Variants in LSAMP observed in about 807,000 individuals in gnomAD.
LSAMP encodes limbic system-associated membrane protein.
A neutral mutation model predicts 38.6 loss-of-function variants in LSAMP; 7 were observed. That is an observed-to-expected ratio of 0.18 (90% CI 0.10 to 0.34). LSAMP has a LOEUF of 0.34. LSAMP is among the 10% of genes least tolerant of loss of function. The pLI, the probability that LSAMP is intolerant of heterozygous loss-of-function variation, is 1.00. For synonymous variants in LSAMP, 154 were observed against 166.8 expected (o/e 0.92, Z 0.59); for missense variants, 313 against 420.0 (o/e 0.75, Z 2.23).
intron 1 of LSAMP, among the ~76,000 whole-genome samples, chr3:116,347,578 T>C (rs1412103581): frequency 1.3e-5 from 2 of 152,168 alleles, no homozygotes; most frequent in Non-Finnish European, 2.9e-5. Flanking sequence ...TCTTTTAAAA[T>C]ATTTAGATAT....
chr3:116,071,414 A>T (rs1224112992), intron 2 of LSAMP, among the ~76,000 whole-genome samples: 4 of 151,848 alleles, frequency 2.6e-5, no homozygotes, highest in Admixed American at 1.3e-4. Context: ...TAAACTAAAT[A>T]ATATAAATTT....
chr3:116,172,505 T>C (rs1365732271), intron 1 of LSAMP, among the ~76,000 whole-genome samples: 2 of 152,028 alleles, frequency 1.3e-5, no homozygotes, highest in Non-Finnish European at 2.9e-5. Context: ...ATTTTTTGCT[T>C]TAGCTTGTGA....
intron 3 of LSAMP, among the ~76,000 whole-genome samples, chr3:115,868,071 G>T (rs1935912289): frequency 6.6e-6 from 1 of 152,102 alleles, no homozygotes; most frequent in East Asian, 1.9e-4. Context: ...TGGTCTAAGG[G>T]CTTTAGATTT....
intron 1 of LSAMP, among the ~76,000 whole-genome samples, chr3:116,268,193 A>G (rs1256859593): frequency 6.9e-6 from 1 of 144,484 alleles, no homozygotes; most frequent in African/African-American, 2.7e-5. Flanking sequence ...CTAAACTATT[A>G]GGAGTGGCCA....
At chr3:115,968,978 C>A (rs1434022627) in intron 3 of LSAMP, among the ~76,000 whole-genome samples, 1 of 152,176 alleles carries the variant, frequency 6.6e-6, no homozygotes, top group East Asian at 1.9e-4. Flanking sequence ...TGAAAAGCAG[C>A]ACTGAGTTCC....
chr3:115,852,527 T>G lies in LSAMP; in HGVS notation c.605A>C (p.Glu202Ala), dbSNP rs1230557412. 6.2e-7 allele frequency: 1 copy of G among 1,613,804 alleles called. No individual in the cohort carries two copies. Among genetic ancestry groups the G allele is most frequent in the Non-Finnish European group, 8.5e-7 (1 of 1,179,914 alleles). ...TTGTTTGACATCCGCCGAGGAGACC[T>G]CGTTGGCAGCTTTGCACTCATATTT... ...SGKYECKAAN[E>A]VSSADVKQVK... The change falls in exon 4 of 7, where the codon GAG (glutamate) becomes GCG (alanine). Residue 202 changes from glutamate to alanine, a missense_variant. Glu to Ala is a moderately radical substitution (Grantham distance 107). Transcript: ENST00000490035.
chr3:115,869,278 G>GAGAGAGAGAGAGAGAA (rs1935954116), intron 3 of LSAMP, among the ~76,000 whole-genome samples: 1 of 151,546 alleles, frequency 6.6e-6, no homozygotes, highest in African/African-American at 2.4e-5. Flanking sequence ...GGGAGAGAGA[G>GAGAGAGAGAGAGAGAA]AGAGAGAGAG....
intron 1 of LSAMP, among the ~76,000 whole-genome samples, chr3:116,310,844 T>C (rs534488744): frequency 9.2e-5 from 14 of 151,664 alleles, no homozygotes; most frequent in African/African-American, 3.1e-4. Context: ...AAAATGTATC[T>C]AAACAAAATA....
At chr3:116,307,074 A>T (rs1205012678) in intron 1 of LSAMP, among the ~76,000 whole-genome samples, 1 of 152,000 alleles carries the variant, frequency 6.6e-6, no homozygotes, top group Non-Finnish European at 1.5e-5. Flanking sequence ...AAGAAAAGAG[A>T]TATATAATCG....
chr3:116,352,937 G>A (rs774197127), intron 1 of LSAMP, among the ~76,000 whole-genome samples: 1 of 152,026 alleles, frequency 6.6e-6, no homozygotes, highest in Non-Finnish European at 1.5e-5. Context: ...AGAGATGTTT[G>A]CTTCTTTTTC....
chr3:115,914,167 T>C (rs1937195353), intron 3 of LSAMP, among the ~76,000 whole-genome samples: 3 of 152,154 alleles, frequency 2.0e-5, no homozygotes, highest in Non-Finnish European at 2.9e-5. Context: ...TGACCAAACT[T>C]TAGTCAAGCT....
In LSAMP at chr3:116,056,327, T is replaced by C. The variant is rs78775343; in HGVS notation, c.388+29997A>G. Among the ~76,000 whole-genome samples, 19 of 152,262 alleles carry C rather than the reference T, an allele frequency of 1.2e-4. No homozygotes were observed. In the East Asian group the frequency reaches 3.1e-3, roughly 25 times the overall value. On this transcript the variant is annotated intron_variant, in intron 2 of 6. Transcript: ENST00000490035. The stretch of plus-strand genomic sequence containing the variant: ...CATATTAGGGATGAATCAAACTAAG[T>C]TATCCACACTCCTGTCCATTCTCTT...
At chr3:116,155,622 G>GGT (rs772559811) in intron 1 of LSAMP, among the ~76,000 whole-genome samples, 11 of 123,946 alleles carry the variant, frequency 8.9e-5, no homozygotes, top group South Asian at 3.0e-4. Context: ...TATACAAGAG[G>GGT]GTGTGTGTGT....
At chr3:115,971,338 T>C (rs1323896048) in intron 3 of LSAMP, among the ~76,000 whole-genome samples, 1 of 152,232 alleles carries the variant, frequency 6.6e-6, no homozygotes, top group East Asian at 1.9e-4. Context: ...TATTTATGAC[T>C]ATACTGGCAA....
In LSAMP at chr3:115,950,497, CA is replaced by C. The variant is rs1267696041; in HGVS notation, c.514+69017del. Among the ~76,000 whole-genome samples, 10 of 151,578 alleles carry C rather than the reference CA, an allele frequency of 6.6e-5. No homozygotes were observed. In the East Asian group the frequency reaches 1.7e-3, roughly 26 times the overall value. On this transcript the variant is annotated intron_variant, in intron 3 of 6. Coordinates refer to ENST00000490035, the MANE Select transcript of LSAMP (RefSeq NM_002338.5). ...AAATCAATCTTTTTTAGAAAAGCTG[CA>C]AAAAAATAAATAAATTGCTTAGAAA...
chr3:115,931,151 C>T (rs1295466945), intron 3 of LSAMP, among the ~76,000 whole-genome samples: 1 of 152,152 alleles, frequency 6.6e-6, no homozygotes, highest in Non-Finnish European at 1.5e-5. Context: ...CGGGATTTCC[C>T]ACCAGATGGG....
chr3:115,803,951 T>C lies in LSAMP; in HGVS notation c.*6366A>G, dbSNP rs1933574545. The C allele has an allele frequency of 6.6e-6, 1 of 152,242 alleles. No homozygotes were observed. The highest frequency in any genetic ancestry group is 6.5e-5 in the Admixed American group (1 of 15,280). 9.4% of individuals were successfully genotyped at this position (152,242 alleles called of 1,614,324 possible). On this transcript the variant is annotated 3_prime_UTR_variant, in exon 7 of 7. Coordinates refer to ENST00000490035, the MANE Select transcript of LSAMP (RefSeq NM_002338.5). ...ACAATGTCCTCATTTGTTACATGCA[T>C]AATACCCAGTCTGGCTATTTTCCTT...
intron 1 of LSAMP, among the ~76,000 whole-genome samples, chr3:116,205,942 CTT>C (rs1220654012): frequency 6.8e-6 from 1 of 147,794 alleles, no homozygotes. Flanking sequence ...AGGATTCCCT[CTT>C]TTTCTATTGA....
chr3:116,411,922 T>C (rs890767962), intron 1 of LSAMP, among the ~76,000 whole-genome samples: 1 of 151,900 alleles, frequency 6.6e-6, no homozygotes, highest in Non-Finnish European at 1.5e-5. Context: ...AAAGGATAAG[T>C]TTGACCCCCA....
Sources: allele counts gnomAD v4.1 joint callset (sites outside exome capture counted in the v4.1 genomes callset), GRCh38; gene constraint gnomAD v4.1.1; transcripts MANE v1.5; gene names NCBI Gene and HGNC (gene_info 2026-07-23, HGNC 2026-07-21).